The following ACIN1 variants were observed in gnomAD, a reference collection of about 807,000 sequenced individuals.
ACIN1 encodes apoptotic chromatin condensation inducer 1, also known as apoptotic chromatin condensation inducer in the nucleus.
Under a neutral mutation model 146.6 loss-of-function variants are expected in ACIN1, and 16 were observed. The observed-to-expected ratio is 0.11, with a 90% CI of 0.07 to 0.17. ACIN1 has a LOEUF of 0.17. ACIN1 is among the 10% of genes least tolerant of loss of function. ACIN1 has a pLI of 1.00. For missense variants in ACIN1, 1,357 were observed against 1,609.3 expected, an observed-to-expected ratio of 0.84 and a Z score of 2.68; for synonymous variants, 569 against 582.7, an observed-to-expected ratio of 0.98 and a Z score of 0.34.
At position 23,079,806 on chromosome 14, in the gene ACIN1, T is replaced by A; in HGVS notation, c.1529A>T (p.His510Leu). The A allele has an allele frequency of 6.2e-7, 1 of 1,614,200 alleles. No homozygotes were observed. Among genetic ancestry groups the A allele is most frequent in the Non-Finnish European group, 8.5e-7 (1 of 1,180,046 alleles). Reference protein sequence around the residue: ...RRASHTLLPSHRLKQSADSSS... With the variant: ...RRASHTLLPSLRLKQSADSSS... Reference sequence around the variant, plus strand: ...TGAATCAGCTGACTGTTTCAATCTGTGGCTTGGGAGAAGGGTATGAGAAGC... The same window carrying A: ...TGAATCAGCTGACTGTTTCAATCTGAGGCTTGGGAGAAGGGTATGAGAAGC... Residue 510 changes from histidine to leucine, a missense_variant, in exon 6 of 19, where the codon CAC becomes CTC. This residue lies in a region of ACIN1 where 771 missense variants were observed against 746.6 expected (regional missense o/e 1.03). Coordinates refer to ENST00000605057, the MANE Select transcript of ACIN1 (RefSeq NM_001386863.1).
At chr14:23,078,723 T>G in intron 7 of ACIN1, 97 bp downstream of exon 7, 1 of 1,298,052 alleles carries the variant, frequency 7.7e-7, no homozygotes, top group Middle Eastern at 2.7e-4. Context: ...CTACTGAACC[T>G]TGTCCAGACT....
chr14:23,066,955 T>C (rs2047477227), intron 9 of ACIN1, among the ~76,000 whole-genome samples: 1 of 152,008 alleles, frequency 6.6e-6, no homozygotes, highest in Non-Finnish European at 1.5e-5. Flanking sequence ...CTGGAAAAAC[T>C]AAGACCACTC....
intron 2 of ACIN1, among the ~76,000 whole-genome samples, chr14:23,091,697 T>C (rs1408218602): frequency 6.6e-6 from 1 of 151,722 alleles, no homozygotes; most frequent in Non-Finnish European, 1.5e-5. Context: ...GATCTTGGCT[T>C]GCTGCAACCT....
intron 4 of ACIN1, among the ~76,000 whole-genome samples, chr14:23,082,599 C>T (rs2047975081): frequency 6.6e-6 from 1 of 152,158 alleles, no homozygotes; most frequent in Non-Finnish European, 1.5e-5. Flanking sequence ...TGCCCACCAC[C>T]ATGCCTGGCT....
In ACIN1 at chr14:23,080,456, A is replaced by T; in HGVS notation, c.879T>A (p.His293Gln). Reference protein sequence around the residue: ...TRSQEEARKSHLARQQQEKEM... With the variant: ...TRSQEEARKSQLARQQQEKEM... ...CCTTCTCCTGCTGCTGTCTGGCCAG[A>T]TGACTTTTTCTAGCCTCTTCCTGGG... Residue 293 changes from histidine (H) to glutamine (Q), a missense_variant, in exon 6 of 19, where the codon CAT (histidine) becomes CAA (glutamine). By Grantham distance (24) the His-to-Gln change is conservative (BLOSUM62 0). Coordinates refer to ENST00000605057, the MANE Select transcript of ACIN1 (RefSeq NM_001386863.1). 6.2e-7 allele frequency: 1 copy of T among 1,614,016 alleles called. No homozygotes were observed. The highest frequency in any genetic ancestry group is 8.5e-7 in the Non-Finnish European group (1 of 1,180,002).
intron 8 of ACIN1, chr14:23,071,419 GTCC>G: frequency 6.4e-7 from 1 of 1,551,640 alleles, no homozygotes; most frequent in South Asian, 1.2e-5. Context: ...TAAGCGTTAA[GTCC>G]TCACGGCAAA....
At chr14:23,074,146 CTTTTT>C (rs200344513) in intron 8 of ACIN1, among the ~76,000 whole-genome samples, 1 of 151,330 alleles carries the variant, frequency 6.6e-6, no homozygotes, top group Non-Finnish European at 1.5e-5. Flanking sequence ...CCGAAAATTT[CTTTTT>C]TTTAAGAATA....
rs563297958 is a variant in ACIN1, at chr14:23,062,330, C to T, written c.2992-55G>A. 3.7e-4 allele frequency: 588 copies of T among 1,592,110 alleles called. 6 individuals carry two copies. The South Asian group carries it at 4.2e-3, about 12-fold the overall frequency. ...CACAGTGTGTCTGCAACCCTTCCCA[C>T]GTGCTGCAACACCCTTAAACCTGCC... On this transcript the variant is annotated intron_variant, in intron 15 of 18. Transcript: ENST00000605057.
At chr14:23,082,888 C>T (rs1202995759) in intron 4 of ACIN1, among the ~76,000 whole-genome samples, 1 of 151,842 alleles carries the variant, frequency 6.6e-6, no homozygotes, top group African/African-American at 2.4e-5. Flanking sequence ...TGCAGGCGCA[C>T]GCCACCATAC....
chr14:23,078,959 G>A lies in ACIN1; in HGVS notation c.1868C>T (p.Ala623Val), dbSNP rs2140143373. 1.2e-6 allele frequency: 2 copies of A among 1,614,210 alleles called. No homozygotes were observed. The highest frequency in any genetic ancestry group is 1.7e-6 in the Non-Finnish European group (2 of 1,180,030). The change falls in exon 7 of 19, where the codon GCA (alanine) becomes GTA (valine). Residue 623 changes from alanine to valine, a missense_variant. Coordinates refer to ENST00000605057, the MANE Select transcript of ACIN1 (RefSeq NM_001386863.1). ...TKDPSSGQEV[A>V]TPPVPQLQVC... ...CTGCAGTTGTGGCACTGGTGGAGTT[G>A]CAACCTCCTGACCAGAAGAGGGATC... is the stretch of plus-strand genomic sequence containing the variant.
rs569750645 is a variant in ACIN1 at position 23,067,091 on chromosome 14, C to T, written c.2266-1083G>A. ...TGGTCTCTGTTAAGGGCCAGCCTGA[C>T]CCCTAGCTGGGCCGCTCTCGATGGG... On this transcript the variant is annotated intron_variant, in intron 9 of 18. Coordinates refer to ENST00000605057, the MANE Select transcript of ACIN1 (RefSeq NM_001386863.1). This position sits in a 1 kb window ranked among gnomAD's most constrained non-coding sequence, Gnocchi z 4.6. 3.3e-4 allele frequency among the ~76,000 whole-genome samples: 50 copies of T among 151,764 alleles called. No individual in the cohort carries two copies. Among genetic ancestry groups the T allele is most frequent in the South Asian group, 2.3e-3 (11 of 4,780 alleles).
intron 8 of ACIN1, among the ~76,000 whole-genome samples, chr14:23,075,326 T>C (rs2140118973): frequency 7.1e-6 from 1 of 140,868 alleles, no homozygotes; most frequent in Admixed American, 6.8e-5. Flanking sequence ...TCTTCCCCTT[T>C]TTTTTTTTTT....
Position 23,058,881 on chromosome 14 carries a change from T to C in ACIN1, c.*267A>G, listed in dbSNP as rs2047177831. ...GGGGCACCTGGCTGTTCCCCATCTC[T>C]GGCCAACCACCTCCTTGCCTAACCT... On this transcript the variant is annotated 3_prime_UTR_variant, in exon 19 of 19. Coordinates refer to ENST00000605057, the MANE Select transcript of ACIN1 (RefSeq NM_001386863.1). 6 of 510,420 alleles carry C rather than the reference T, an allele frequency of 1.2e-5. No individual in the cohort carries two copies. In the South Asian group the frequency reaches 1.2e-4, roughly 10 times the overall value. 31.6% of individuals were successfully genotyped at this position (510,420 alleles called of 1,614,324 possible). A position where few individuals can be genotyped will look rare whatever the true frequency, so the allele number is the denominator to read the frequency against.
rs905235302 is a variant in ACIN1, at chr14:23,067,260, T to C, written c.2266-1252A>G. The stretch of plus-strand genomic sequence containing the variant: ...AAATATTAAAAAAAGAAGAAGAAAA[T>C]AAAGAAGAAAATAAACTAGGAATAT... On this transcript the variant is annotated intron_variant, in intron 9 of 18. Coordinates refer to ENST00000605057, the MANE Select transcript of ACIN1 (RefSeq NM_001386863.1). This position sits in a 1 kb window ranked among gnomAD's most constrained non-coding sequence, Gnocchi z 4.6. 1.0e-5 allele frequency: 10 copies of C among 955,436 alleles called. No homozygotes were observed. The highest frequency in any genetic ancestry group is 1.1e-5 in the Non-Finnish European group (9 of 805,710). 59.2% of individuals were successfully genotyped at this position (955,436 alleles called of 1,614,324 possible).
At position 23,082,979 on chromosome 14, in the gene ACIN1, T is replaced by TCC. The variant is rs369103986; in HGVS notation, c.437-1145_437-1144dup. ...GGTTCGAACTCCTGGGCTCAAGCAATCCCCCCGCCTTGGCCTCCCAAAGTG... is the reference window on the plus strand; with the variant it reads ...GGTTCGAACTCCTGGGCTCAAGCAATCCCCCCCCGCCTTGGCCTCCCAAAGTG... On this transcript the variant is annotated intron_variant, in intron 4 of 18. Transcript: ENST00000605057. 1.3e-3 allele frequency among the ~76,000 whole-genome samples: 196 copies of TCC among 150,632 alleles called. 1 individual carries two copies. The highest frequency in any genetic ancestry group is 4.6e-3 in the African/African-American group (189 of 40,896).
Position 23,059,132 on chromosome 14 carries a change from T to G in ACIN1, c.*16A>C. On this transcript the variant is annotated 3_prime_UTR_variant, in exon 19 of 19. Coordinates refer to ENST00000605057, the MANE Select transcript of ACIN1 (RefSeq NM_001386863.1). Reference sequence around the variant, plus strand: ...GGGCCGAGTGGCTGGTACCTGCAGCTCTAGTGTTTTCCCAGCTAGCGGCGC... The same window carrying G: ...GGGCCGAGTGGCTGGTACCTGCAGCGCTAGTGTTTTCCCAGCTAGCGGCGC... 1 of 1,611,402 alleles carries G rather than the reference T, an allele frequency of 6.2e-7. No individual in the cohort carries two copies.
chr14:23,094,658 CCTT>C (rs2140262202), intron 1 of ACIN1: 6 of 783,542 alleles, frequency 7.7e-6, no homozygotes, highest in East Asian at 3.7e-5. Flanking sequence ...GGATTTAACT[CCTT>C]CTGCAGCGCA....
intron 8 of ACIN1, among the ~76,000 whole-genome samples, chr14:23,077,451 C>A (rs1050051400): frequency 6.7e-6 from 1 of 150,328 alleles, no homozygotes; most frequent in African/African-American, 2.5e-5. Context: ...GGCTCATTGG[C>A]TTCTTAATTT....
At chr14:23,063,666 G>T (rs911928448) in intron 12 of ACIN1, 89 bp from the exon 13 acceptor site, 4 of 1,473,922 alleles carry the variant, frequency 2.7e-6, no homozygotes, top group Non-Finnish European at 3.8e-6. Context: ...AAGAGTAGCA[G>T]TCAATCTAGC....
Sources: allele counts gnomAD v4.1 joint callset (sites outside exome capture counted in the v4.1 genomes callset), GRCh38; gene constraint gnomAD v4.1.1; regional missense constraint gnomAD v4.1.1; non-coding constraint Gnocchi (gnomAD v3.1); transcripts MANE v1.5; gene names NCBI Gene and HGNC (gene_info 2026-07-23, HGNC 2026-07-21).